Variants in ARL15 observed in about 807,000 individuals in gnomAD.
ARL15 encodes ARF like GTPase 15.
In ARL15, 19 loss-of-function variants were observed where a neutral mutation model predicts 25.2. The ratio of observed to expected loss-of-function variants is 0.75; its 90% CI spans 0.53 to 1.10. The LOEUF (loss-of-function observed/expected upper bound fraction) is 1.10. Among genes scored for constraint, ARL15 ranks in the 50% least tolerant of loss-of-function variants. The pLI, the probability that ARL15 is intolerant of heterozygous loss-of-function variation, is 0.00. For synonymous variants in ARL15, 94 were observed against 86.8 expected (o/e 1.08, Z -0.46); for missense variants, 220 against 246.0 (o/e 0.89, Z 0.71).
At chr5:54,106,390 T>C (rs1303339564) in intron 4 of ARL15, among the ~76,000 whole-genome samples, 2 of 152,078 alleles carry the variant, frequency 1.3e-5, no homozygotes, top group East Asian at 1.9e-4. Flanking sequence ...AAAGGATGTA[T>C]GGTAAGATTC....
At chr5:54,230,410 T>C (rs1003958295) in intron 1 of ARL15, among the ~76,000 whole-genome samples, 1 of 136,222 alleles carries the variant, frequency 7.3e-6, no homozygotes, top group Non-Finnish European at 1.6e-5. Flanking sequence ...AAAGAAAAGG[T>C]GAACCAAAAA....
chr5:54,165,991 C>T (rs974627667), intron 2 of ARL15, among the ~76,000 whole-genome samples: 10 of 152,066 alleles, frequency 6.6e-5, no homozygotes, highest in African/African-American at 1.9e-4. Context: ...GACAATCTGT[C>T]AAAATCCGCA....
Position 54,183,091 on chromosome 5 carries a change from G to A in ARL15, c.49-11163C>T, listed in dbSNP as rs559163878. Among the ~76,000 whole-genome samples the A allele has an allele frequency of 1.1e-4, 14 of 130,276 alleles. No homozygotes were observed. In the South Asian group the frequency reaches 1.9e-3, roughly 18 times the overall value. The allele number at this position is 130,276 out of a possible 152,430, so 85.5% of individuals were successfully genotyped here. A position where few individuals can be genotyped will look rare whatever the true frequency, so the allele number is the denominator to read the frequency against. Reference sequence around the variant, plus strand: ...TTCTAGATAAACAATCCTGTCGTCTGCAAACAGGGACAATTTGACTTCCTC... The same window carrying A: ...TTCTAGATAAACAATCCTGTCGTCTACAAACAGGGACAATTTGACTTCCTC... On this transcript the variant is annotated intron_variant, in intron 1 of 4. Coordinates refer to ENST00000504924, the MANE Select transcript of ARL15 (RefSeq NM_019087.3).
At chr5:54,003,815 T>C (rs959596367) in intron 4 of ARL15, among the ~76,000 whole-genome samples, 3 of 152,082 alleles carry the variant, frequency 2.0e-5, no homozygotes, top group African/African-American at 7.2e-5. Flanking sequence ...ATACAGCTAA[T>C]GGGCATATTT....
rs564232143 is a variant in ARL15, at chr5:53,963,548, C to G, written c.463-76835G>C. On this transcript the variant is annotated intron_variant, in intron 4 of 4. Coordinates refer to ENST00000504924, the MANE Select transcript of ARL15 (RefSeq NM_019087.3). The stretch of plus-strand genomic sequence containing the variant: ...GATGGCTGGGCGCAGTGGCTCACGC[C>G]TGTAATTCCAACACTTTGGGAGGCC... Among the ~76,000 whole-genome samples, 9 of 152,280 alleles carry G rather than the reference C, an allele frequency of 5.9e-5. No individual in the cohort carries two copies. The South Asian group carries it at 1.2e-3, about 21-fold the overall frequency.
intron 4 of ARL15, among the ~76,000 whole-genome samples, chr5:53,916,587 G>C (rs2042313): frequency 0.94 from 142,776 of 152,254 alleles, 67,510 homozygotes; most frequent in Non-Finnish European, 1. Context: ...AAAGTGCCTA[G>C]TAAGACAGGG....
At chr5:54,223,803 C>T (rs962251082) in intron 1 of ARL15, among the ~76,000 whole-genome samples, 10 of 152,082 alleles carry the variant, frequency 6.6e-5, no homozygotes, top group African/African-American at 2.2e-4. Context: ...AAACTTAACA[C>T]AAGGCAGAAT....
chr5:53,909,384 G>A (rs1745378963), intron 4 of ARL15, among the ~76,000 whole-genome samples: 1 of 152,112 alleles, frequency 6.6e-6, no homozygotes, highest in African/African-American at 2.4e-5. Flanking sequence ...AGTGACTATA[G>A]TTTTTGTATT....
intron 4 of ARL15, among the ~76,000 whole-genome samples, chr5:54,009,426 G>T (rs1466356788): frequency 6.6e-6 from 1 of 151,956 alleles, no homozygotes; most frequent in East Asian, 1.9e-4. Flanking sequence ...TATTATTCCA[G>T]CATCACTGAT....
chr5:53,940,314 T>C (rs138787410), intron 4 of ARL15, among the ~76,000 whole-genome samples: 342 of 152,326 alleles, frequency 2.2e-3, no homozygotes, highest in Non-Finnish European at 4.0e-3. Context: ...GCTATGATAC[T>C]GCTTAATTCC....
intron 1 of ARL15, among the ~76,000 whole-genome samples, chr5:54,221,070 G>C (rs139455281): frequency 3.9e-5 from 6 of 152,256 alleles, no homozygotes; most frequent in African/African-American, 1.2e-4. Flanking sequence ...CATATGGAAG[G>C]AAAGAATCTC....
At chr5:53,979,815 G>C (rs1748060843) in intron 4 of ARL15, among the ~76,000 whole-genome samples, 1 of 150,276 alleles carries the variant, frequency 6.7e-6, no homozygotes, top group Non-Finnish European at 1.5e-5. Flanking sequence ...ACAGTTGAAA[G>C]TCTTTAAAGT....
intron 3 of ARL15, among the ~76,000 whole-genome samples, chr5:54,121,380 T>C (rs960173910): frequency 2.6e-5 from 4 of 152,032 alleles, no homozygotes; most frequent in African/African-American, 9.7e-5. Flanking sequence ...TGTCCCCCTA[T>C]TGATGACAGA....
At chr5:54,172,596 A>G (rs529045601) in intron 1 of ARL15, among the ~76,000 whole-genome samples, 3 of 152,254 alleles carry the variant, frequency 2.0e-5, no homozygotes, top group South Asian at 4.1e-4. Flanking sequence ...TAATACCTCT[A>G]AGTATTTAGA....
At chr5:54,225,774 C>T (rs957529895) in intron 1 of ARL15, among the ~76,000 whole-genome samples, 2 of 151,924 alleles carry the variant, frequency 1.3e-5, no homozygotes, top group African/African-American at 2.4e-5. Flanking sequence ...ACCATCGCAT[C>T]GGGAAGCAAG....
chr5:54,168,946 G>A (rs1230600552), intron 2 of ARL15, among the ~76,000 whole-genome samples: 1 of 152,044 alleles, frequency 6.6e-6, no homozygotes, highest in Non-Finnish European at 1.5e-5. Context: ...CCTAACCTGG[G>A]TGTAAACTTC....
intron 1 of ARL15, among the ~76,000 whole-genome samples, chr5:54,298,058 G>A (rs1758513192): frequency 6.6e-6 from 1 of 152,170 alleles, no homozygotes; most frequent in Non-Finnish European, 1.5e-5. Context: ...TGGGATTACA[G>A]GCGTGAGAAA....
intron 3 of ARL15, among the ~76,000 whole-genome samples, chr5:54,130,431 C>A (rs1439312005): frequency 6.6e-6 from 1 of 152,108 alleles, no homozygotes; most frequent in African/African-American, 2.4e-5. Context: ...ATTCTTTAAT[C>A]AAGGAAAATC....
intron 1 of ARL15, among the ~76,000 whole-genome samples, chr5:54,293,853 G>A (rs1466561406): frequency 2.0e-5 from 3 of 151,418 alleles, no homozygotes; most frequent in Admixed American, 6.6e-5. Context: ...GTTTTGAGAC[G>A]AAGTCTCACT....
Sources: allele counts gnomAD v4.1 joint callset (sites outside exome capture counted in the v4.1 genomes callset), GRCh38; gene constraint gnomAD v4.1.1; transcripts MANE v1.5; gene names NCBI Gene and HGNC (gene_info 2026-07-23, HGNC 2026-07-21).